PDE1C: variants seen among roughly 807,000 people sequenced by gnomAD.
PDE1C encodes phosphodiesterase 1C.
A neutral mutation model predicts 93.1 loss-of-function variants in PDE1C; 62 were observed. The ratio of observed to expected loss-of-function variants is 0.67; its 90% CI spans 0.54 to 0.82. The LOEUF (loss-of-function observed/expected upper bound fraction) is 0.82. Ranked by LOEUF, PDE1C falls within the 40% of genes least tolerant of loss-of-function variation. The pLI, the probability that PDE1C is intolerant of heterozygous loss-of-function variation, is 0.00. For missense variants in PDE1C, 742 were observed against 884.6 expected (o/e 0.84, Z 2.04); for synonymous variants, 325 against 310.1 (o/e 1.05, Z -0.50).
chr7:32,267,586 ACTCTCTCTCTCTCT>A (rs57210713), intron 1 of PDE1C, among the ~76,000 whole-genome samples: 2,452 of 117,568 alleles, frequency 0.021, 67 homozygotes, highest in African/African-American at 0.072. Context: ...ACACACACAC[ACTCTCTCTCTCTCT>A]CTCTCTCTCT....
At chr7:31,789,663 G>A in intron 16 of PDE1C, 4 of 981,312 alleles carry the variant, frequency 4.1e-6, no homozygotes, top group Non-Finnish European at 4.8e-6. Context: ...AAAAGCATAA[G>A]AACAATTTTA....
intron 2 of PDE1C, among the ~76,000 whole-genome samples, chr7:31,938,416 G>A (rs1443434371): frequency 6.8e-6 from 1 of 147,610 alleles, no homozygotes; most frequent in Non-Finnish European, 1.5e-5. Context: ...AACCAGATAA[G>A]CTGGAAGGGG....
intron 1 of PDE1C, among the ~76,000 whole-genome samples, chr7:32,383,747 T>C (rs1249512130): frequency 1.3e-5 from 2 of 152,158 alleles, no homozygotes; most frequent in Non-Finnish European, 2.9e-5. Flanking sequence ...AGGACAGAAA[T>C]GACCAACCTG....
intron 1 of PDE1C, among the ~76,000 whole-genome samples, chr7:32,257,648 C>T (rs908931029): frequency 1.3e-5 from 2 of 152,188 alleles, no homozygotes; most frequent in Non-Finnish European, 1.5e-5. Context: ...ACTACTACTA[C>T]TATAATTATT....
intron 5 of PDE1C, among the ~76,000 whole-genome samples, chr7:31,877,758 C>A (rs1436074346): frequency 2.0e-5 from 3 of 149,900 alleles, no homozygotes; most frequent in Admixed American, 6.7e-5. Flanking sequence ...AGAAATGAAA[C>A]CCACACAGAG....
intron 1 of PDE1C, among the ~76,000 whole-genome samples, chr7:32,217,344 G>A (rs1318369611): frequency 6.6e-6 from 1 of 152,230 alleles, no homozygotes; most frequent in Non-Finnish European, 1.5e-5. Context: ...GCAGTAGAGT[G>A]AGAAATGTCA....
chr7:31,722,025 C>G, the PDE1C span, among the ~76,000 whole-genome samples: 76 of 152,274 alleles, frequency 5.0e-4, no homozygotes, highest in African/African-American at 1.8e-3. Context: ...GTCATATTTG[C>G]ACCAGAACCC....
intron 2 of PDE1C, among the ~76,000 whole-genome samples, chr7:31,886,128 A>G (rs556494211): frequency 1.3e-5 from 2 of 152,304 alleles, no homozygotes; most frequent in Admixed American, 6.5e-5. Context: ...ACATGTCCCA[A>G]TGGATCATGA....
Position 32,113,236 on chromosome 7 carries a change from AATATATATATATATATATAT to A in PDE1C, c.308+56529_308+56548del, listed in dbSNP as rs35138046. On this transcript the variant is annotated intron_variant, in intron 3 of 18. Coordinates refer to the PDE1C transcript ENST00000396193. ...TATAAATATAAATATATTGTCCTTA[AATATATATATATATATATAT>A]ATATATATGGATGTGGATATATTTG... is the stretch of plus-strand genomic sequence containing the variant. Among the ~76,000 whole-genome samples the A allele has an allele frequency of 7.8e-3, 735 of 94,030 alleles. 17 individuals are homozygous for A. Among genetic ancestry groups the A allele is most frequent in the African/African-American group, 0.032 (710 of 21,954 alleles). 61.7% of individuals were successfully genotyped at this position (94,030 alleles called of 152,430 possible).
intron 1 of PDE1C, among the ~76,000 whole-genome samples, chr7:32,324,371 A>G (rs1783360833): frequency 6.6e-6 from 1 of 152,184 alleles, no homozygotes; most frequent in African/African-American, 2.4e-5. Context: ...CAACCTCATA[A>G]TTATTCTAAA....
chr7:31,951,896 G>C (rs557987108), intron 2 of PDE1C, among the ~76,000 whole-genome samples: 25 of 152,248 alleles, frequency 1.6e-4, no homozygotes, highest in African/African-American at 6.0e-4. Flanking sequence ...TCCACAAGGA[G>C]ATACCAGCTT....
chr7:31,617,686 T>C, the PDE1C span, among the ~76,000 whole-genome samples: 1 of 152,150 alleles, frequency 6.6e-6, no homozygotes, highest in Non-Finnish European at 1.5e-5. Flanking sequence ...TGTCATTTTC[T>C]GATTTATATT....
chr7:31,702,203 A>ATTTTTTT, the PDE1C span, among the ~76,000 whole-genome samples: 46 of 125,346 alleles, frequency 3.7e-4, no homozygotes, highest in African/African-American at 1.4e-3. Context: ...TTTCACCCTT[A>ATTTTTTT]TTTATTTTTT....
intron 7 of PDE1C, among the ~76,000 whole-genome samples, chr7:31,851,142 G>C (rs1793294365): frequency 6.6e-6 from 1 of 151,040 alleles, no homozygotes; most frequent in Non-Finnish European, 1.5e-5. Flanking sequence ...AGAATGAAGA[G>C]TAATAGAAAA....
chr7:32,415,312 A>G (rs975246888), intron 1 of PDE1C, among the ~76,000 whole-genome samples: 1 of 152,080 alleles, frequency 6.6e-6, no homozygotes, highest in Admixed American at 6.5e-5. Context: ...TTAGCCAGGC[A>G]TGGTGGCATG....
chr7:31,872,954 G>A (rs191085753), intron 6 of PDE1C, among the ~76,000 whole-genome samples: 7 of 152,150 alleles, frequency 4.6e-5, no homozygotes, highest in East Asian at 3.9e-4. Context: ...CTCTGACAGC[G>A]TTGGTCAATA....
chr7:31,959,861 C>T (rs1309279577), intron 2 of PDE1C, among the ~76,000 whole-genome samples: 4 of 151,720 alleles, frequency 2.6e-5, no homozygotes, highest in South Asian at 4.2e-4. Flanking sequence ...ATGTAATTTT[C>T]GACTTGCTAA....
At position 32,120,541 on chromosome 7, in the gene PDE1C, T is replaced by C. The variant is rs114764439; in HGVS notation, c.308+49244A>G. Among the ~76,000 whole-genome samples, 1,339 of 152,300 alleles carry C rather than the reference T, an allele frequency of 8.8e-3. 16 individuals are homozygous for C. The highest frequency in any genetic ancestry group is 0.03 in the African/African-American group (1,239 of 41,556). ...AAGAAGGAGCAGGCACCAGTCTTTG[T>C]TGTTCTCCATCCTCCTTGAGTGATA... On this transcript the variant is annotated intron_variant, in intron 3 of 18. Transcript: ENST00000396193.
intron 2 of PDE1C, among the ~76,000 whole-genome samples, chr7:31,994,715 G>A (rs6462321): frequency 0.5 from 76,268 of 151,914 alleles, 19,435 homozygotes; most frequent in Middle Eastern, 0.57. Context: ...CAAGTTCCCC[G>A]GAAGGTGAAA....
Sources: gnomAD v4.1 joint callset for allele counts (sites outside exome capture counted in the v4.1 genomes callset) on GRCh38, gnomAD v4.1.1 for gene constraint, MANE v1.5 for transcripts, NCBI Gene and HGNC (gene_info 2026-07-23, HGNC 2026-07-21) for gene names.